The following TTC29 variants were observed in gnomAD, a reference collection of about 807,000 sequenced individuals.
TTC29 encodes tetratricopeptide repeat domain 29.
Under a neutral mutation model 58.1 loss-of-function variants are expected in TTC29, and 49 were observed. That is an observed-to-expected ratio of 0.84 (90% CI 0.67 to 1.07). The LOEUF (loss-of-function observed/expected upper bound fraction) is 1.07, where lower values mean the gene tolerates loss of function less well. TTC29 is among the 50% of genes least tolerant of loss of function. The probability of loss-of-function intolerance (pLI) is 0.00; values close to 1 mark genes in which losing one functional copy is unlikely to be tolerated. For missense variants in TTC29, 582 were observed against 555.6 expected, an observed-to-expected ratio of 1.05 and a Z score of -0.48; for synonymous variants, 209 against 196.8, an observed-to-expected ratio of 1.06 and a Z score of -0.52.
At chr4:146,791,226 A>AT (rs1237885579) in intron 11 of TTC29, among the ~76,000 whole-genome samples, 2 of 152,134 alleles carry the variant, frequency 1.3e-5, no homozygotes, top group Non-Finnish European at 2.9e-5. Context: ...CAGATGTTGC[A>AT]TTTTTTACAC....
At chr4:146,839,261 GATA>G (rs755287235) in intron 8 of TTC29, among the ~76,000 whole-genome samples, 13 of 152,030 alleles carry the variant, frequency 8.6e-5, no homozygotes, top group African/African-American at 2.6e-4. Context: ...AGATATTATA[GATA>G]ATAATTATAT....
intron 4 of TTC29, among the ~76,000 whole-genome samples, chr4:146,917,885 T>C (rs939261391): frequency 4.0e-5 from 6 of 150,264 alleles, no homozygotes; most frequent in East Asian, 1.9e-4. Context: ...TCTTTTATTA[T>C]ATGAACTGAA....
At position 146,831,962 on chromosome 4, in the gene TTC29, A is replaced by G. The variant is rs150994779; in HGVS notation, c.977+1844T>C. Among the ~76,000 whole-genome samples, 10 of 152,216 alleles carry G rather than the reference A, an allele frequency of 6.6e-5. No homozygotes were observed. The East Asian group carries it at 1.9e-3, about 29-fold the overall frequency. On this transcript the variant is annotated intron_variant, in intron 9 of 12. Coordinates refer to ENST00000325106, the MANE Select transcript of TTC29 (RefSeq NM_031956.4). ...TTTATTTTTGCGATGAGGTCTTGCTATGTTGCCCAGGTTGGAATCAAACTC... is the reference window on the plus strand; with the variant it reads ...TTTATTTTTGCGATGAGGTCTTGCTGTGTTGCCCAGGTTGGAATCAAACTC...
At chr4:146,775,859 T>C (rs1378938393) in intron 11 of TTC29, among the ~76,000 whole-genome samples, 1 of 152,244 alleles carries the variant, frequency 6.6e-6, no homozygotes, top group Non-Finnish European at 1.5e-5. Flanking sequence ...ACAGGTTGCT[T>C]GCTTTCTCGC....
chr4:146,714,959 A>G (rs981729307), intron 11 of TTC29, among the ~76,000 whole-genome samples: 2 of 152,230 alleles, frequency 1.3e-5, no homozygotes, highest in East Asian at 1.9e-4. Flanking sequence ...CAGCCTCCCA[A>G]GTAGCTGGGA....
At chr4:146,883,282 C>T (rs1284166672) in intron 6 of TTC29, among the ~76,000 whole-genome samples, 2 of 152,050 alleles carry the variant, frequency 1.3e-5, no homozygotes, top group African/African-American at 4.8e-5. Context: ...GGTAACTATG[C>T]CAAGCTCCAG....
intron 8 of TTC29, among the ~76,000 whole-genome samples, chr4:146,847,705 G>C (rs1242301501): frequency 1.3e-5 from 2 of 152,218 alleles, no homozygotes; most frequent in African/African-American, 4.8e-5. Flanking sequence ...AAGACATGCC[G>C]AGGTGGAGAA....
At chr4:146,800,671 G>T (rs1255765050) in intron 11 of TTC29, among the ~76,000 whole-genome samples, 1 of 152,162 alleles carries the variant, frequency 6.6e-6, no homozygotes, top group Non-Finnish European at 1.5e-5. Flanking sequence ...TACACATTTT[G>T]TTTAAAAAGT....
intron 11 of TTC29, among the ~76,000 whole-genome samples, chr4:146,794,737 A>T (rs1749716346): frequency 6.6e-6 from 1 of 152,124 alleles, no homozygotes; most frequent in African/African-American, 2.4e-5. Context: ...TTCTTTTGGT[A>T]ATAATGCAAA....
intron 4 of TTC29, among the ~76,000 whole-genome samples, chr4:146,930,907 TTAAA>T (rs1325016246): frequency 9.2e-5 from 14 of 152,244 alleles, no homozygotes; most frequent in African/African-American, 3.1e-4. Context: ...CAAATGGTTT[TTAAA>T]TAGAGAAGTG....
chr4:146,716,411 G>C (rs746646899), intron 11 of TTC29, among the ~76,000 whole-genome samples: 1 of 152,028 alleles, frequency 6.6e-6, no homozygotes, highest in African/African-American at 2.4e-5. Flanking sequence ...AATTATATGA[G>C]ATAATTTTTT....
At chr4:146,850,810 C>G (rs550327250) in intron 8 of TTC29, among the ~76,000 whole-genome samples, 62 of 152,152 alleles carry the variant, frequency 4.1e-4, no homozygotes, top group African/African-American at 1.5e-3. Flanking sequence ...TTTTTAATAT[C>G]TATGATATTA....
rs1736198507 is a variant in TTC29, at chr4:146,939,848, G to C, written c.48C>G (p.Ala16=). Residue 16 remains alanine, a synonymous_variant, in exon 3 of 13, where the codon GCC becomes GCG. Transcript: ENST00000325106. The part of the protein sequence containing the change: ...PLPMTRPKLT[A]LARQKLPCSS... The stretch of plus-strand genomic sequence containing the variant: ...AGCAAGGCAGCTTCTGTCTGGCTAA[G>C]GCTGTAAGCTTCGGGCGTGTCATGG... 1 of 1,613,424 alleles carries C rather than the reference G, an allele frequency of 6.2e-7. No individual in the cohort carries two copies. Among genetic ancestry groups the C allele is most frequent in the Non-Finnish European group, 8.5e-7 (1 of 1,179,702 alleles).
intron 11 of TTC29, among the ~76,000 whole-genome samples, chr4:146,790,391 G>A (rs1314038417): frequency 1.3e-5 from 2 of 151,934 alleles, no homozygotes; most frequent in Non-Finnish European, 2.9e-5. Context: ...GTTTCACCAT[G>A]TTGGCCAGGA....
chr4:146,818,689 G>A (rs1305164611), intron 10 of TTC29, among the ~76,000 whole-genome samples: 3 of 152,140 alleles, frequency 2.0e-5, no homozygotes, highest in Non-Finnish European at 2.9e-5. Context: ...CAACCCAAAT[G>A]TCCAACAATG....
chr4:146,831,427 C>A (rs1728152971), intron 9 of TTC29, among the ~76,000 whole-genome samples: 1 of 152,150 alleles, frequency 6.6e-6, no homozygotes, highest in Non-Finnish European at 1.5e-5. Flanking sequence ...AATTAGTTTA[C>A]TTGGCATAAA....
intron 4 of TTC29, among the ~76,000 whole-genome samples, chr4:146,928,684 C>T (rs1008564593): frequency 6.6e-6 from 1 of 152,156 alleles, no homozygotes; most frequent in Non-Finnish European, 1.5e-5. Context: ...TTTACTCCGT[C>T]GGTAAACTCT....
At chr4:146,862,817 A>G (rs930342796) in intron 8 of TTC29, among the ~76,000 whole-genome samples, 2 of 152,196 alleles carry the variant, frequency 1.3e-5, no homozygotes, top group African/African-American at 4.8e-5. Flanking sequence ...TGGAGAATTA[A>G]ATAACAAGAA....
chr4:146,907,689 G>A (rs903054470), intron 5 of TTC29, among the ~76,000 whole-genome samples: 20 of 152,030 alleles, frequency 1.3e-4, no homozygotes, highest in African/African-American at 3.4e-4. Context: ...TAGTAGAGAC[G>A]GGTTTTCACC....
Sources: gnomAD v4.1 joint callset for allele counts (sites outside exome capture counted in the v4.1 genomes callset) on GRCh38, gnomAD v4.1.1 for gene constraint, MANE v1.5 for transcripts, NCBI Gene and HGNC (gene_info 2026-07-23, HGNC 2026-07-21) for gene names.